The following ZNF841 variants were observed in gnomAD, a reference collection of about 807,000 sequenced individuals.
ZNF841 encodes the protein zinc finger protein 841, also known as TCONS_00006091.
A neutral mutation model predicts 13.0 loss-of-function variants in ZNF841; 11 were observed. The ratio of observed to expected loss-of-function variants is 0.85; its 90% CI spans 0.53 to 1.40. The LOEUF (loss-of-function observed/expected upper bound fraction) is 1.40, where lower values mean the gene tolerates loss of function less well. Among genes scored for constraint, ZNF841 ranks in the 40% most tolerant of loss-of-function variants. The pLI, the probability that ZNF841 is intolerant of heterozygous loss-of-function variation, is 0.00. For synonymous variants in ZNF841, 369 were observed against 381.6 expected (o/e 0.97, Z 0.38); for missense variants, 1,068 against 1,139.5 (o/e 0.94, Z 0.90).
chr19:52,060,341 C>T (rs544978547), downstream of ZNF841, among the ~76,000 whole-genome samples: 24 of 152,236 alleles, frequency 1.6e-4, no homozygotes, highest in African/African-American at 5.8e-4. Flanking sequence ...CCATCTTTTC[C>T]TTTCCAACTG....
At chr19:52,083,059 G>A (rs1303361675) in intron 4 of ZNF841, among the ~76,000 whole-genome samples, 14 of 147,208 alleles carry the variant, frequency 9.5e-5, no homozygotes, top group Admixed American at 3.4e-4. Context: ...CAGCCTGGGC[G>A]ACAGAGCAAG....
intron 6 of ZNF841, among the ~76,000 whole-genome samples, chr19:52,069,534 G>C (rs1600082505): frequency 6.6e-6 from 1 of 152,142 alleles, no homozygotes; most frequent in Non-Finnish European, 1.5e-5. Context: ...CTGATATAAA[G>C]ACTTATGTCT....
intron 4 of ZNF841, among the ~76,000 whole-genome samples, chr19:52,084,048 T>C (rs2088191926): frequency 6.6e-6 from 1 of 152,066 alleles, no homozygotes; most frequent in Admixed American, 6.6e-5. Context: ...TTTGGCTCCA[T>C]CTTCTCTGAC....
chr19:52,064,208 C>T (rs1449485156), downstream of ZNF841, among the ~76,000 whole-genome samples: 3 of 151,588 alleles, frequency 2.0e-5, no homozygotes, highest in Non-Finnish European at 2.9e-5. Context: ...TAGCCGGGCG[C>T]GGTGGCGAGC....
At chr19:52,079,441 A>AAAC (rs1412878592) in intron 4 of ZNF841, among the ~76,000 whole-genome samples, 1 of 151,242 alleles carries the variant, frequency 6.6e-6, no homozygotes, top group African/African-American at 2.4e-5. Flanking sequence ...TAAAAAAAAA[A>AAAC]AAAAAAAAAA....
At chr19:52,079,207 G>A (rs2088010174) in intron 4 of ZNF841, among the ~76,000 whole-genome samples, 1 of 151,930 alleles carries the variant, frequency 6.6e-6, no homozygotes, top group South Asian at 2.1e-4. Context: ...ATATCTAAGT[G>A]CAATTTTATC....
intron 6 of ZNF841, among the ~76,000 whole-genome samples, chr19:52,070,402 G>A (rs1404641936): frequency 2.6e-5 from 4 of 152,142 alleles, no homozygotes; most frequent in Non-Finnish European, 4.4e-5. Context: ...TTACACAGCC[G>A]TCCGTATTTA....
chr19:52,083,442 A>AC (rs2088165235), intron 4 of ZNF841, among the ~76,000 whole-genome samples: 1 of 150,770 alleles, frequency 6.6e-6, no homozygotes, highest in Non-Finnish European at 1.5e-5. Flanking sequence ...AAAAAAAAAA[A>AC]TACTACTATG....
rs1293209491 is a variant in ZNF841, at chr19:52,067,560, T to A, written c.322A>T (p.Asn108Tyr). Residue 108 changes from asparagine (N) to tyrosine (Y), a missense_variant, in exon 7 of 7, where the codon AAC becomes TAC. Asn to Tyr is a moderately radical substitution (Grantham distance 143). Coordinates refer to ENST00000594440, the MANE Select transcript of ZNF841 (RefSeq NM_001136499.2). ...ACTGCTTGGAATTTTTCTCCTGTGT[T>A]ACTGTTCTGTATTGGTGGTAATTCC... Reference protein sequence around the residue: ...IKELPPIQNSNTGEKFQAVML... With the variant: ...IKELPPIQNSYTGEKFQAVML... The A allele has an allele frequency of 1.3e-6, 2 of 1,597,790 alleles. No individual in the cohort carries two copies. Among genetic ancestry groups the A allele is most frequent in the East Asian group, 4.5e-5 (2 of 44,742 alleles).
intron 2 of ZNF841, among the ~76,000 whole-genome samples, chr19:52,091,020 A>G (rs2088480060): frequency 6.6e-6 from 1 of 152,186 alleles, no homozygotes; most frequent in African/African-American, 2.4e-5. Context: ...CCTTTACTCA[A>G]TAAATATGAA....
chr19:52,065,466 AACGT>A lies in ZNF841; in HGVS notation c.2412_2415del (p.Arg805GlnfsTer8). 1 of 1,613,764 alleles carries A rather than the reference AACGT, an allele frequency of 6.2e-7. No homozygotes were observed. Among genetic ancestry groups the A allele is most frequent in the South Asian group, 1.1e-5 (1 of 91,058 alleles). ...ATCATCTGATGATTAAGCAGAATTG[AACGT>A]ACTCTAAAGGCTTTGCCACACTCAT... On this transcript the variant is annotated frameshift_variant, in exon 7 of 7. Coordinates refer to ENST00000594440, the MANE Select transcript of ZNF841 (RefSeq NM_001136499.2). LOFTEE classifies it low-confidence loss of function (END_TRUNC).
intron 6 of ZNF841, among the ~76,000 whole-genome samples, chr19:52,072,460 T>A (rs2087766024): frequency 6.6e-6 from 1 of 152,096 alleles, no homozygotes; most frequent in Non-Finnish European, 1.5e-5. Context: ...AAGACTAAAA[T>A]CGTAAAGCAT....
Position 52,067,588 on chromosome 19 carries a change from G to A in ZNF841, c.294C>T (p.Ile98=), listed in dbSNP as rs1486492326. The change falls in exon 7 of 7, where the codon ATC becomes ATT. Residue 98 remains isoleucine, a synonymous_variant. Transcript: ENST00000594440. ...TGTTCTGTATTGGTGGTAATTCCTT[G>A]ATCACACATTTAGGAGAGATACCTG... ...VITGISPKCV[I]KELPPIQNSN... 4 of 1,543,116 alleles carry A rather than the reference G, an allele frequency of 2.6e-6. No homozygotes were observed. The East Asian group carries it at 9.2e-5, about 35-fold the overall frequency.
Position 52,066,406 on chromosome 19 carries a change from C to G in ZNF841, c.1476G>C (p.Lys492Asn). 6.2e-7 allele frequency: 1 copy of G among 1,614,052 alleles called. No homozygotes were observed. ...CAAGATGTGAATGTTGACTGAAGAC[C>G]TTGCCACATTCATTACATTTGTAGG... ...EKPYKCNECGKVFSQHSHLAV... is the reference protein window; with the variant it reads ...EKPYKCNECGNVFSQHSHLAV... Residue 492 changes from lysine to asparagine, a missense_variant, in exon 7 of 7, where the codon AAG (lysine) becomes AAC (asparagine). Transcript: ENST00000594440.
At chr19:52,071,685 C>T (rs968802361) in intron 6 of ZNF841, among the ~76,000 whole-genome samples, 5 of 151,634 alleles carry the variant, frequency 3.3e-5, no homozygotes, top group East Asian at 3.9e-4. Context: ...GTAATTGCAA[C>T]GGTAACCACA....
chr19:52,060,540 AGT>A (rs1225832528), downstream of ZNF841, among the ~76,000 whole-genome samples: 3 of 142,890 alleles, frequency 2.1e-5, no homozygotes, highest in African/African-American at 7.5e-5. Context: ...TTTTTTTCTG[AGT>A]TATTTTCCTT....
the ZNF841 span, among the ~76,000 whole-genome samples, chr19:52,059,390 T>TATATATATATATATACACAC: frequency 2.1e-5 from 2 of 96,356 alleles, no homozygotes; most frequent in Admixed American, 1.4e-4. Context: ...TATATATATA[T>TATATATATATATATACACAC]ACACACACAC....
intron 4 of ZNF841, among the ~76,000 whole-genome samples, chr19:52,077,743 T>C (rs12609219): frequency 0.15 from 22,361 of 152,172 alleles, 2,176 homozygotes; most frequent in East Asian, 0.38. Flanking sequence ...ACAGAGTATG[T>C]CCTAGTCTTT....
chr19:52,072,885 C>A (rs926214221), intron 6 of ZNF841, among the ~76,000 whole-genome samples: 1 of 152,048 alleles, frequency 6.6e-6, no homozygotes, highest in Non-Finnish European at 1.5e-5. Context: ...TTAGAAATCA[C>A]AAGGGAAATT....
Sources: gnomAD v4.1 joint callset for allele counts (sites outside exome capture counted in the v4.1 genomes callset) on GRCh38, gnomAD v4.1.1 for gene constraint, MANE v1.5 for transcripts, NCBI Gene and HGNC (gene_info 2026-07-23, HGNC 2026-07-21) for gene names.